IMMP2L: variants seen among roughly 807,000 people sequenced by gnomAD.
IMMP2L encodes inner mitochondrial membrane peptidase subunit 2.
A neutral mutation model predicts 19.3 loss-of-function variants in IMMP2L; 18 were observed. The observed-to-expected ratio is 0.93, with a 90% CI of 0.64 to 1.38. IMMP2L has a LOEUF of 1.38. Among genes scored for constraint, IMMP2L ranks in the 40% most tolerant of loss-of-function variants. The probability of loss-of-function intolerance (pLI) is 0.00; values close to 1 mark genes in which losing one functional copy is unlikely to be tolerated. For synonymous variants in IMMP2L, 76 were observed against 73.0 expected (o/e 1.04, Z -0.21); for missense variants, 233 against 218.2 (o/e 1.07, Z -0.43).
rs189403450 is a variant in IMMP2L at position 111,495,422 on chromosome 7, T to C, written c.136-8081A>G. The stretch of plus-strand genomic sequence containing the variant: ...TTATGCTAAAGCTAGAAATAGCCAA[T>C]ATCTATCAAATCTGCTTTTGGAACA... On this transcript the variant is annotated intron_variant, in intron 2 of 5. Transcript: ENST00000405709. Among the ~76,000 whole-genome samples the C allele has an allele frequency of 5.6e-4, 86 of 152,294 alleles. 2 individuals are homozygous for C. Among genetic ancestry groups the C allele is most frequent in the African/African-American group, 1.9e-3 (80 of 41,570 alleles).
At chr7:110,782,302 T>C (rs1378816556) in intron 5 of IMMP2L, among the ~76,000 whole-genome samples, 1 of 151,928 alleles carries the variant, frequency 6.6e-6, no homozygotes, top group Non-Finnish European at 1.5e-5. Context: ...CATGACTATT[T>C]TAAATTAAAA....
At chr7:111,320,045 A>G (rs1824516861) in intron 3 of IMMP2L, among the ~76,000 whole-genome samples, 1 of 152,052 alleles carries the variant, frequency 6.6e-6, no homozygotes, top group South Asian at 2.1e-4. Flanking sequence ...TCCCCACATC[A>G]GCCTCCATCG....
At position 110,948,594 on chromosome 7, in the gene IMMP2L, G is replaced by A. The variant is rs548389918; in HGVS notation, c.305+14906C>T. On this transcript the variant is annotated intron_variant, in intron 4 of 5. Transcript: ENST00000405709. ...ATTCCTTTTGTGTTAAGAAGAAACTGTTTGGGCAATGAAATTTAGTATTCT... is the reference window on the plus strand; with the variant it reads ...ATTCCTTTTGTGTTAAGAAGAAACTATTTGGGCAATGAAATTTAGTATTCT... 1.5e-4 allele frequency among the ~76,000 whole-genome samples: 23 copies of A among 151,346 alleles called. No homozygotes were observed. In the South Asian group the frequency reaches 3.1e-3, roughly 20 times the overall value.
In IMMP2L at chr7:110,667,850, G is replaced by C. The variant is rs529658871; in HGVS notation, c.409-4129C>G. On this transcript the variant is annotated intron_variant, in intron 5 of 5. Coordinates refer to ENST00000405709, the MANE Select transcript of IMMP2L (RefSeq NM_032549.4). ...CAGCAATAGGAAACTGAAACAAAAA[G>C]TATACAAAGAGAAATCCCATTCCCA... Among the ~76,000 whole-genome samples, 12 of 152,260 alleles carry C rather than the reference G, an allele frequency of 7.9e-5. No individual in the cohort carries two copies. In the East Asian group the frequency reaches 2.1e-3, roughly 27 times the overall value.
intron 3 of IMMP2L, among the ~76,000 whole-genome samples, chr7:111,039,725 A>T (rs1791703404): frequency 6.6e-6 from 1 of 152,300 alleles, no homozygotes; most frequent in South Asian, 2.1e-4. Flanking sequence ...TATGAAACTC[A>T]AGAAGTAATT....
Position 110,870,404 on chromosome 7 carries a change from A to C in IMMP2L, c.408+16189T>G, listed in dbSNP as rs1808411551. 6.6e-6 allele frequency among the ~76,000 whole-genome samples: 1 copy of C among 152,162 alleles called. No homozygotes were observed. ...ATGTAGTAGGTGCCTATTATGAGCC[A>C]GCCAGGCACTGTGCTACAGCAGTGA... On this transcript the variant is annotated intron_variant, in intron 5 of 5. Transcript: ENST00000405709. This position sits in a 1 kb window ranked among gnomAD's most constrained non-coding sequence, Gnocchi z 4.2.
At chr7:111,214,881 A>G (rs1184690165) in intron 3 of IMMP2L, among the ~76,000 whole-genome samples, 16 of 151,962 alleles carry the variant, frequency 1.1e-4, no homozygotes, top group Non-Finnish European at 2.1e-4. Context: ...TGTTTGACAC[A>G]TACCAGCGCA....
intron 2 of IMMP2L, among the ~76,000 whole-genome samples, chr7:111,514,853 GT>G (rs150764917): frequency 0.016 from 2,500 of 151,566 alleles, 66 homozygotes; most frequent in African/African-American, 0.057. Flanking sequence ...GAGGATAAGG[GT>G]TTTTTTTAAC....
intron 3 of IMMP2L, among the ~76,000 whole-genome samples, chr7:111,048,611 A>C (rs1792681698): frequency 6.6e-6 from 1 of 152,174 alleles, no homozygotes; most frequent in Admixed American, 6.5e-5. Flanking sequence ...ATAGTCAATA[A>C]ATATTTGTTG....
chr7:111,540,883 A>G (rs569247813), intron 1 of IMMP2L, among the ~76,000 whole-genome samples: 43 of 152,172 alleles, frequency 2.8e-4, no homozygotes, highest in Non-Finnish European at 5.6e-4. Flanking sequence ...CAGTCAGGAG[A>G]GTAACGGAGA....
chr7:111,466,773 C>T (rs1840712136), intron 3 of IMMP2L, among the ~76,000 whole-genome samples: 1 of 152,094 alleles, frequency 6.6e-6, no homozygotes. Context: ...CTGTACTAAA[C>T]ATGTACAGAC....
chr7:110,837,894 T>C (rs1279114583), intron 5 of IMMP2L, among the ~76,000 whole-genome samples: 2 of 152,144 alleles, frequency 1.3e-5, no homozygotes, highest in African/African-American at 4.8e-5. Context: ...CTTTAATTTC[T>C]ACCTGTAAAT....
At chr7:111,108,927 T>C (rs1052224226) in intron 3 of IMMP2L, among the ~76,000 whole-genome samples, 2 of 152,196 alleles carry the variant, frequency 1.3e-5, no homozygotes, top group African/African-American at 2.4e-5. Context: ...GGCAATATTC[T>C]AGCTAGGCAT....
chr7:111,550,656 T>C (rs1206372106), intron 1 of IMMP2L, among the ~76,000 whole-genome samples: 1 of 152,134 alleles, frequency 6.6e-6, no homozygotes, highest in Non-Finnish European at 1.5e-5. Flanking sequence ...TCTGCGGCAA[T>C]CTTAATCTTC....
At chr7:110,690,446 T>C (rs921818159) in intron 5 of IMMP2L, among the ~76,000 whole-genome samples, 4 of 152,096 alleles carry the variant, frequency 2.6e-5, no homozygotes, top group East Asian at 3.9e-4. Context: ...TTGTTGGAAG[T>C]TCCAGCTAGA....
At chr7:111,103,985 A>C (rs1798261494) in intron 3 of IMMP2L, among the ~76,000 whole-genome samples, 1 of 151,628 alleles carries the variant, frequency 6.6e-6, no homozygotes, top group African/African-American at 2.4e-5. Context: ...TTTAGGGTTA[A>C]ATGTGGAACA....
chr7:111,276,641 G>GAAA (rs1212928126), intron 3 of IMMP2L, among the ~76,000 whole-genome samples: 8 of 132,066 alleles, frequency 6.1e-5, no homozygotes, highest in South Asian at 2.3e-4. Context: ...ATGTGGAACC[G>GAAA]AAAAAAAAAA....
chr7:111,478,924 T>C (rs1841950892), intron 3 of IMMP2L, among the ~76,000 whole-genome samples: 1 of 152,212 alleles, frequency 6.6e-6, no homozygotes, highest in African/African-American at 2.4e-5. Context: ...CTTCCAGCAA[T>C]GACAGACAGT....
At chr7:110,697,213 A>G (rs1778134934) in intron 5 of IMMP2L, among the ~76,000 whole-genome samples, 1 of 152,186 alleles carries the variant, frequency 6.6e-6, no homozygotes, top group Non-Finnish European at 1.5e-5. Context: ...GTATCTCATG[A>G]TATCCTTATG....
Sources: allele counts gnomAD v4.1 joint callset (sites outside exome capture counted in the v4.1 genomes callset), GRCh38; gene constraint gnomAD v4.1.1; non-coding constraint Gnocchi (gnomAD v3.1); transcripts MANE v1.5; gene names NCBI Gene and HGNC (gene_info 2026-07-23, HGNC 2026-07-21).